COL6A5: variants seen among roughly 807,000 people sequenced by gnomAD.
COL6A5 encodes the protein collagen type VI alpha 5 chain, also known as collagen alpha-5(VI) chain.
COL6A5 carries 48 observed loss-of-function variants against 65.6 expected under a neutral mutation model. That is an observed-to-expected ratio of 0.73 (90% CI 0.58 to 0.93). COL6A5 has a LOEUF of 0.93. Among genes scored for constraint, COL6A5 ranks in the 40% least tolerant of loss-of-function variants. The pLI, the probability that COL6A5 is intolerant of heterozygous loss-of-function variation, is 0.00. For synonymous variants in COL6A5, 291 were observed against 322.8 expected (o/e 0.90, Z 1.05); for missense variants, 914 against 928.3 (o/e 0.98, Z 0.20).
chr3:130,432,607 C>A (rs566930221), intron 1 of COL6A5, among the ~76,000 whole-genome samples: 2 of 151,108 alleles, frequency 1.3e-5, no homozygotes, highest in African/African-American at 4.9e-5. Flanking sequence ...AACTATATAC[C>A]ACTACTAAGT....
chr3:130,419,049 AG>A (rs1171084659), intron 25 of COL6A5, 118 bp downstream of exon 25: 1 of 784,462 alleles, frequency 1.3e-6, no homozygotes, highest in African/African-American at 1.7e-5. Context: ...TTCAGCATCT[AG>A]GAAAATGTGA....
At chr3:130,423,216 T>A (rs1310462794) in intron 28 of COL6A5, among the ~76,000 whole-genome samples, 2 of 152,074 alleles carry the variant, frequency 1.3e-5, no homozygotes, top group East Asian at 3.9e-4. Context: ...TCATGTAGGC[T>A]ATTTTGAGGG....
In COL6A5 at chr3:130,401,853, A is replaced by T. The variant is rs751770759; in HGVS notation, c.4226A>T (p.Lys1409Met). 6.5e-6 allele frequency: 10 copies of T among 1,549,244 alleles called. No homozygotes were observed. In the South Asian group the frequency reaches 8.3e-5, roughly 13 times the overall value. Residue 1409 changes from lysine (K) to methionine (M), a missense_variant and splice_region_variant and NMD_transcript_variant, in exon 12 of 42, where the codon AAG becomes ATG. Transcript: ENST00000312481. ...GGGACCCGAGGACTACAAGCCATGA[A>T]GGTGCCACTCACCTGTGATACTATT...
intron 1 of COL6A5, among the ~76,000 whole-genome samples, chr3:130,362,312 A>T (rs1577427959): frequency 2.2e-4 from 3 of 13,852 alleles, no homozygotes; most frequent in Admixed American, 8.8e-4. Context: ...ATATATATAT[A>T]TATATATATA....
In COL6A5 at chr3:130,384,723, C is replaced by T. The variant is rs111601781; in HGVS notation, c.1301-81C>T. On this transcript the variant is annotated intron_variant and NMD_transcript_variant, in intron 4 of 41. Coordinates refer to the COL6A5 transcript ENST00000312481. ...AAGTCTTCATTCTTTAGAAATGCCT[C>T]AGCCTCATGTTCCTTCACAAACCCT... 67 of 1,148,850 alleles carry T rather than the reference C, an allele frequency of 5.8e-5. No homozygotes were observed. The African/African-American group carries it at 6.4e-4, about 11-fold the overall frequency. The allele number at this position is 1,148,850 out of a possible 1,614,324, so 71.2% of individuals were successfully genotyped here.
intron 28 of COL6A5, among the ~76,000 whole-genome samples, chr3:130,423,284 T>G (rs1937547020): frequency 6.6e-6 from 1 of 152,198 alleles, no homozygotes; most frequent in East Asian, 1.9e-4. Context: ...GCTTACTTAC[T>G]TAGAAGCAAA....
At position 130,410,211 on chromosome 3, in the gene COL6A5, G is replaced by A. The variant is rs1937131583; in HGVS notation, c.4608+137G>A. 48 of 702,232 alleles carry A rather than the reference G, an allele frequency of 6.8e-5. 1 individual carries two copies. The South Asian group carries it at 9.1e-4, about 13-fold the overall frequency. The allele number at this position is 702,232 out of a possible 1,614,324, so 43.5% of individuals were successfully genotyped here. A position where few individuals can be genotyped will look rare whatever the true frequency, so the allele number is the denominator to read the frequency against. ...GAAAAGACCTTTATTTTTTGATGAT[G>A]CATATTTGTAGTAGGGTATACTTTT... On this transcript the variant is annotated intron_variant and NMD_transcript_variant, in intron 19 of 41. Transcript: ENST00000312481.
At chr3:130,391,508 G>A (rs1317882179) in exon 7 of COL6A5, 20 of 1,551,606 alleles carry the variant, frequency 1.3e-5, no homozygotes, top group Admixed American at 5.9e-5. Context: ...CAAGCAAAAT[G>A]TGAAGCAGAT....
At chr3:130,390,537 T>C (rs1220414677) in intron 6 of COL6A5, among the ~76,000 whole-genome samples, 1 of 152,148 alleles carries the variant, frequency 6.6e-6, no homozygotes, top group Non-Finnish European at 1.5e-5. Flanking sequence ...GTCATTTGTC[T>C]TACAATGTGG....
intron 6 of COL6A5, among the ~76,000 whole-genome samples, chr3:130,390,437 A>C (rs1936354241): frequency 6.6e-6 from 1 of 152,208 alleles, no homozygotes. Context: ...AAAGTGGAGA[A>C]AGCCAATCTT....
intron 20 of COL6A5, among the ~76,000 whole-genome samples, chr3:130,412,771 A>G (rs1937217846): frequency 6.6e-6 from 1 of 152,160 alleles, no homozygotes; most frequent in South Asian, 2.1e-4. Flanking sequence ...ATTGTAAGCA[A>G]TAGCCAACCT....
intron 1 of COL6A5, among the ~76,000 whole-genome samples, chr3:130,350,595 A>G (rs1406133384): frequency 6.6e-6 from 1 of 152,224 alleles, no homozygotes; most frequent in Non-Finnish European, 1.5e-5. Context: ...TAGGTATCCA[A>G]CTTACAAGGG....
intron 22 of COL6A5, 134 bp downstream of exon 22, chr3:130,414,265 G>A: frequency 1.4e-6 from 1 of 704,424 alleles, no homozygotes; most frequent in East Asian, 2.7e-5. Flanking sequence ...CTATCATGGG[G>A]TGGGGGGTGA....
intron 5 of COL6A5, among the ~76,000 whole-genome samples, chr3:130,387,655 T>C (rs140396247): frequency 6.6e-6 from 1 of 152,048 alleles, no homozygotes; most frequent in Admixed American, 6.6e-5. Flanking sequence ...TTTTTTAATA[T>C]ATGGCTGATG....
intron 8 of COL6A5, 91 bp downstream of exon 8, chr3:130,395,556 A>ATGGGC: frequency 1.1e-6 from 1 of 939,808 alleles, no homozygotes; most frequent in Non-Finnish European, 1.6e-6. Context: ...AGCAGAGCAT[A>ATGGGC]TATTTAGAAC....
At chr3:130,397,839 C>T (rs1005528549) in exon 9 of COL6A5, 8 of 1,551,520 alleles carry the variant, frequency 5.2e-6, no homozygotes, top group South Asian at 3.6e-5. Context: ...TGCAAGTCAA[C>T]GTCAGTGGGC....
At chr3:130,455,343 C>A in intron 4 of COL6A5, 112 bp from the exon 37 acceptor site, 1 of 620,108 alleles carries the variant, frequency 1.6e-6, no homozygotes, top group Non-Finnish European at 2.9e-6. Flanking sequence ...ATATTTTCAC[C>A]ACCCAATTGG....
At chr3:130,447,395 T>C (rs903748868) in intron 4 of COL6A5, among the ~76,000 whole-genome samples, 10 of 152,158 alleles carry the variant, frequency 6.6e-5, no homozygotes, top group African/African-American at 2.4e-4. Flanking sequence ...TGAGGGCAGC[T>C]GTGAACAATA....
At chr3:130,407,787 C>G (rs1377628490) in intron 17 of COL6A5, among the ~76,000 whole-genome samples, 1 of 152,148 alleles carries the variant, frequency 6.6e-6, no homozygotes, top group East Asian at 1.9e-4. Context: ...CTGGCTTGGG[C>G]AAGTTTAATC....
Sources: gnomAD v4.1 joint callset for allele counts (sites outside exome capture counted in the v4.1 genomes callset) on GRCh38, gnomAD v4.1.1 for gene constraint, MANE v1.5 for transcripts, NCBI Gene and HGNC (gene_info 2026-07-23, HGNC 2026-07-21) for gene names.